SLC15A5: variants seen among roughly 807,000 people sequenced by gnomAD.
SLC15A5 encodes Peptide/histidine transporter ENSP00000340402.
A neutral mutation model predicts 56.1 loss-of-function variants in SLC15A5; 58 were observed. That is an observed-to-expected ratio of 1.03 (90% confidence interval 0.84 to 1.29). The LOEUF (loss-of-function observed/expected upper bound fraction) is 1.29. Among genes scored for constraint, SLC15A5 ranks in the 50% most tolerant of loss-of-function variants. The pLI is 0.00. For missense variants in SLC15A5, 681 were observed against 672.1 expected, an observed-to-expected ratio of 1.01 and a Z score of -0.15; for synonymous variants, 264 against 250.5, an observed-to-expected ratio of 1.05 and a Z score of -0.51.
intron 2 of SLC15A5, among the ~76,000 whole-genome samples, chr12:16,265,812 T>G (rs541117067): frequency 6.6e-6 from 1 of 152,202 alleles, no homozygotes; most frequent in Non-Finnish European, 1.5e-5. Flanking sequence ...GAAAATACTC[T>G]TTCTTCAATT....
At chr12:16,249,359 G>A (rs915092410) in intron 3 of SLC15A5, among the ~76,000 whole-genome samples, 1 of 152,034 alleles carries the variant, frequency 6.6e-6, no homozygotes, top group Non-Finnish European at 1.5e-5. Flanking sequence ...TCAGAAAGAA[G>A]CCAAAATAAG....
At chr12:16,277,304 C>T (rs1231848487) in intron 1 of SLC15A5, 21 bp downstream of exon 1, 5 of 1,454,570 alleles carry the variant, frequency 3.4e-6, no homozygotes, top group Non-Finnish European at 4.5e-6. Context: ...CAAAACAATC[C>T]AGTCAGCAGA....
rs1246041215 is a variant in SLC15A5 at position 16,220,651 on chromosome 12, T to C, written c.1352-3627A>G. 5.3e-5 allele frequency among the ~76,000 whole-genome samples: 8 copies of C among 152,220 alleles called. No individual in the cohort carries two copies. In the East Asian group the frequency reaches 1.3e-3, roughly 26 times the overall value. On this transcript the variant is annotated intron_variant, in intron 6 of 8. Transcript: ENST00000344941. ...ATACCACAATGACATAGTTGAGTAA[T>C]TGTAACAGAGACTGGCCTGCAAAAC...
At chr12:16,256,139 A>C (rs1216137402) in intron 3 of SLC15A5, among the ~76,000 whole-genome samples, 1 of 152,206 alleles carries the variant, frequency 6.6e-6, no homozygotes, top group Non-Finnish European at 1.5e-5. Context: ...TTGAAATTCA[A>C]CTCAATAATT....
At chr12:16,224,624 G>GA (rs750932738) in intron 5 of SLC15A5, 22 bp from the exon 6 acceptor site, 20 of 1,504,912 alleles carry the variant, frequency 1.3e-5, no homozygotes, top group East Asian at 5.0e-5. Flanking sequence ...TAATGCAAAA[G>GA]AAAAAAAAGT....
chr12:16,192,461 G>T (rs1373517473), intron 8 of SLC15A5, among the ~76,000 whole-genome samples: 4 of 151,910 alleles, frequency 2.6e-5, no homozygotes, highest in Admixed American at 1.3e-4. Context: ...CTCCTCCTCT[G>T]CACTCCACGC....
chr12:16,274,507 C>T lies in SLC15A5; in HGVS notation c.362-1724G>A, dbSNP rs564723807. Among the ~76,000 whole-genome samples the T allele has an allele frequency of 3.3e-5, 5 of 152,204 alleles. No individual in the cohort carries two copies. In the Middle Eastern group the frequency reaches 0.01, roughly 311 times the overall value. ...TTACAGATAAAAATTTGGTCTAATGCTTCCATCTCCCCTACAGAGGCTTTC... is the reference window on the plus strand; with the variant it reads ...TTACAGATAAAAATTTGGTCTAATGTTTCCATCTCCCCTACAGAGGCTTTC... On this transcript the variant is annotated intron_variant, in intron 1 of 8. Transcript: ENST00000344941.
intron 6 of SLC15A5, among the ~76,000 whole-genome samples, chr12:16,223,311 G>A (rs544146111): frequency 6.6e-6 from 1 of 152,230 alleles, no homozygotes; most frequent in South Asian, 2.1e-4. Context: ...AAGATAGTTA[G>A]AAGTTATAAA....
chr12:16,213,743 T>C (rs1864104816), intron 7 of SLC15A5, among the ~76,000 whole-genome samples: 1 of 152,220 alleles, frequency 6.6e-6, no homozygotes, highest in Non-Finnish European at 1.5e-5. Context: ...GTAATTTAAA[T>C]GGTGTTCTCT....
chr12:16,260,713 C>T (rs1864634768), intron 2 of SLC15A5, among the ~76,000 whole-genome samples: 1 of 150,534 alleles, frequency 6.6e-6, no homozygotes. Flanking sequence ...TTTTTGTGTC[C>T]CATGTAAAGA....
chr12:16,209,830 G>A (rs909447380), intron 7 of SLC15A5, among the ~76,000 whole-genome samples: 6 of 151,952 alleles, frequency 3.9e-5, no homozygotes, highest in African/African-American at 1.5e-4. Flanking sequence ...AGACTTTCCT[G>A]GATTACTTCA....
intron 7 of SLC15A5, among the ~76,000 whole-genome samples, chr12:16,201,982 T>C (rs1012079867): frequency 6.6e-6 from 1 of 152,110 alleles, no homozygotes; most frequent in Non-Finnish European, 1.5e-5. Flanking sequence ...AAGGCCTCAA[T>C]GCAAGACATG....
chr12:16,195,544 T>G (rs867170396), intron 7 of SLC15A5, among the ~76,000 whole-genome samples: 14 of 152,094 alleles, frequency 9.2e-5, no homozygotes, highest in African/African-American at 3.4e-4. Context: ...ATTATCATCT[T>G]TGAAGACACC....
At chr12:16,225,764 C>T (rs1864235271) in intron 5 of SLC15A5, among the ~76,000 whole-genome samples, 1 of 152,198 alleles carries the variant, frequency 6.6e-6, no homozygotes, top group Non-Finnish European at 1.5e-5. Context: ...TCATCTCACA[C>T]CAGTTAGAAT....
rs1417432561 is a variant in SLC15A5, at chr12:16,244,735, A to G, written c.820T>C (p.Cys274Arg). The G allele has an allele frequency of 6.5e-7, 1 of 1,537,600 alleles. No homozygotes were observed. The highest frequency in any genetic ancestry group is 2.4e-5 in the East Asian group (1 of 40,932). Residue 274 changes from cysteine to arginine, a missense_variant, in exon 4 of 9, where the codon TGC becomes CGC. Cys to Arg is a radical substitution (Grantham distance 180). Transcript: ENST00000344941. ...CTTGTCACGTCTCTGCCAAGATGGC[A>G]GTATTGCGGGTGGCATGTTTTCAGT... ...SALKTCHPQY[C>R]HLGRDVTSQL...
intron 1 of SLC15A5, among the ~76,000 whole-genome samples, chr12:16,276,069 C>T (rs751520117): frequency 1.5e-4 from 23 of 152,046 alleles, no homozygotes; most frequent in Non-Finnish European, 2.6e-4. Flanking sequence ...CAGGAACAGA[C>T]GACTTTCTTC....
intron 7 of SLC15A5, among the ~76,000 whole-genome samples, chr12:16,209,417 C>G (rs1262235145): frequency 4.6e-5 from 7 of 152,084 alleles, no homozygotes; most frequent in Non-Finnish European, 1.5e-5. Context: ...AATACTCACA[C>G]TATGTAATTT....
chr12:16,197,690 A>T (rs1226098802), intron 7 of SLC15A5, among the ~76,000 whole-genome samples: 1 of 151,268 alleles, frequency 6.6e-6, no homozygotes, highest in Non-Finnish European at 1.5e-5. Context: ...ACACACCATC[A>T]TGTAGCCTGA....
intron 5 of SLC15A5, among the ~76,000 whole-genome samples, chr12:16,239,092 A>C (rs991585502): frequency 2.6e-5 from 4 of 152,124 alleles, no homozygotes; most frequent in African/African-American, 9.7e-5. Flanking sequence ...CTGTACCCCC[A>C]CTGTTCTCTT....
Sources: gnomAD v4.1 joint callset for allele counts (sites outside exome capture counted in the v4.1 genomes callset) on GRCh38, gnomAD v4.1.1 for gene constraint, MANE v1.5 for transcripts, NCBI Gene and HGNC (gene_info 2026-07-23, HGNC 2026-07-21) for gene names.